Variants in AUTS2 observed in about 807,000 individuals in gnomAD.
AUTS2 encodes the protein autism susceptibility gene 2 protein.
In AUTS2, 17 loss-of-function variants were observed where a neutral mutation model predicts 112.4. That is an observed-to-expected ratio of 0.15 (90% CI 0.10 to 0.23). AUTS2 has a LOEUF of 0.23. Among genes scored for constraint, AUTS2 ranks in the 10% least tolerant of loss-of-function variants. The pLI, the probability that AUTS2 is intolerant of heterozygous loss-of-function variation, is 1.00. For synonymous variants in AUTS2, 751 were observed against 702.7 expected (o/e 1.07, Z -1.09); for missense variants, 1,510 against 1,701.6 (o/e 0.89, Z 1.98).
intron 4 of AUTS2, among the ~76,000 whole-genome samples, chr7:70,264,441 C>T (rs540204738): frequency 2.6e-5 from 4 of 152,124 alleles, no homozygotes; most frequent in Admixed American, 1.3e-4. Context: ...CTCTTGACCT[C>T]GTGATCTGCC....
At chr7:70,500,615 A>G (rs1798733403) in intron 5 of AUTS2, among the ~76,000 whole-genome samples, 1 of 152,160 alleles carries the variant, frequency 6.6e-6, no homozygotes, top group Non-Finnish European at 1.5e-5. Flanking sequence ...AAGTTGTTCT[A>G]CCACGCCTTT....
chr7:70,208,790 A>G (rs1279773932), intron 4 of AUTS2, among the ~76,000 whole-genome samples: 5 of 151,828 alleles, frequency 3.3e-5, no homozygotes, highest in Non-Finnish European at 7.4e-5. Context: ...TCCAAGCAGA[A>G]GAAAGAAGAA....
intron 2 of AUTS2, among the ~76,000 whole-genome samples, chr7:70,082,455 A>G (rs1270360792): frequency 2.0e-5 from 3 of 152,192 alleles, no homozygotes; most frequent in Non-Finnish European, 4.4e-5. Flanking sequence ...ATATTTATAG[A>G]TACAGCTGGA....
intron 1 of AUTS2, among the ~76,000 whole-genome samples, chr7:69,782,860 A>G (rs1196778040): frequency 1.3e-5 from 2 of 152,142 alleles, no homozygotes; most frequent in African/African-American, 4.8e-5. Flanking sequence ...TTGAGTCCCT[A>G]GGAATTATTT....
At chr7:69,629,536 A>T (rs117498286) in intron 1 of AUTS2, among the ~76,000 whole-genome samples, 3,560 of 152,312 alleles carry the variant, frequency 0.023, 66 homozygotes, top group Admixed American at 0.038. Flanking sequence ...GATAAGGAAG[A>T]CATTTTAATG....
intron 6 of AUTS2, among the ~76,000 whole-genome samples, chr7:70,710,653 A>G (rs552816062): frequency 6.6e-6 from 1 of 152,180 alleles, no homozygotes; most frequent in Non-Finnish European, 1.5e-5. Context: ...TCATGAATGG[A>G]TTTAAGGAGG....
At chr7:70,445,892 GAGA>G (rs1796299499) in intron 5 of AUTS2, among the ~76,000 whole-genome samples, 1 of 152,180 alleles carries the variant, frequency 6.6e-6, no homozygotes, top group Non-Finnish European at 1.5e-5. Flanking sequence ...TCTCATAAAG[GAGA>G]AGGGCCTTGC....
intron 4 of AUTS2, among the ~76,000 whole-genome samples, chr7:70,262,789 T>C (rs1261175907): frequency 1.3e-5 from 2 of 152,162 alleles, no homozygotes; most frequent in Non-Finnish European, 2.9e-5. Context: ...CCAAACAGGC[T>C]TCTCTTTAAT....
At chr7:70,372,645 ACTTC>A (rs771603016) in intron 4 of AUTS2, among the ~76,000 whole-genome samples, 67 of 149,400 alleles carry the variant, frequency 4.5e-4, no homozygotes, top group Non-Finnish European at 8.7e-4. Flanking sequence ...CTTGCTTCTT[ACTTC>A]CTTTCTTTCT....
intron 2 of AUTS2, among the ~76,000 whole-genome samples, chr7:69,976,067 T>C (rs938342255): frequency 1.3e-5 from 2 of 152,258 alleles, no homozygotes; most frequent in African/African-American, 4.8e-5. Context: ...AGTTCAATAC[T>C]GTTAAATATA....
chr7:70,724,443 C>CTTGTTTTTTTT (rs1786890537), intron 6 of AUTS2, among the ~76,000 whole-genome samples: 1 of 101,386 alleles, frequency 9.9e-6, no homozygotes, highest in Non-Finnish European at 1.9e-5. Flanking sequence ...TTCATCCTGA[C>CTTGTTTTTTTT]TTTTTTTTTT....
intron 1 of AUTS2, among the ~76,000 whole-genome samples, chr7:69,849,963 T>C (rs577304531): frequency 1.3e-5 from 2 of 152,178 alleles, no homozygotes; most frequent in South Asian, 4.2e-4. Flanking sequence ...ACACTCAGGA[T>C]TGTAATTGCT....
chr7:69,795,005 A>G (rs978228757), intron 1 of AUTS2, among the ~76,000 whole-genome samples: 3 of 152,182 alleles, frequency 2.0e-5, no homozygotes, highest in Non-Finnish European at 4.4e-5. Flanking sequence ...CTTGAGTTCC[A>G]ATAGTGGCTC....
intron 1 of AUTS2, among the ~76,000 whole-genome samples, chr7:69,706,103 GTCTT>G (rs1198546171): frequency 2.3e-4 from 35 of 152,140 alleles, no homozygotes; most frequent in African/African-American, 8.0e-4. Flanking sequence ...TCCTCTTGTT[GTCTT>G]TCTTCTGGCA....
intron 6 of AUTS2, among the ~76,000 whole-genome samples, chr7:70,715,993 T>C (rs1191561679): frequency 1.3e-5 from 2 of 152,250 alleles, no homozygotes; most frequent in Non-Finnish European, 2.9e-5. Flanking sequence ...GGTTATATCC[T>C]GAGAATCTTA....
chr7:69,714,384 A>G (rs1372072289), intron 1 of AUTS2, among the ~76,000 whole-genome samples: 1 of 151,976 alleles, frequency 6.6e-6, no homozygotes, highest in Non-Finnish European at 1.5e-5. Flanking sequence ...TTGAGATTAC[A>G]GGTATGAGCC....
At chr7:70,743,325 C>T (rs1056260965) in intron 6 of AUTS2, among the ~76,000 whole-genome samples, 7 of 151,960 alleles carry the variant, frequency 4.6e-5, no homozygotes, top group African/African-American at 1.2e-4. Flanking sequence ...AAAAATTAGC[C>T]GGGCGTGGTG....
chr7:70,462,437 T>C (rs1252052336), intron 5 of AUTS2, among the ~76,000 whole-genome samples: 1 of 152,136 alleles, frequency 6.6e-6, no homozygotes, highest in African/African-American at 2.4e-5. Flanking sequence ...GGTGGGTATA[T>C]AGGTATTCAC....
intron 5 of AUTS2, among the ~76,000 whole-genome samples, chr7:70,484,531 C>T (rs1433832724): frequency 6.6e-6 from 1 of 152,214 alleles, no homozygotes; most frequent in African/African-American, 2.4e-5. Flanking sequence ...CTTAGACAAG[C>T]TAGTTACCTC....
Sources: gnomAD v4.1 joint callset for allele counts (sites outside exome capture counted in the v4.1 genomes callset) on GRCh38, gnomAD v4.1.1 for gene constraint, MANE v1.5 for transcripts, NCBI Gene and HGNC (gene_info 2026-07-23, HGNC 2026-07-21) for gene names.